PAPSS1: variants seen among roughly 807,000 people sequenced by gnomAD.
PAPSS1 encodes 3'-phosphoadenosine 5'-phosphosulfate synthase 1, also known as bifunctional 3'-phosphoadenosine 5'-phosphosulfate synthase 1.
A neutral mutation model predicts 72.0 loss-of-function variants in PAPSS1; 50 were observed. That is an observed-to-expected ratio of 0.69 (90% CI 0.55 to 0.88). PAPSS1 has a LOEUF of 0.88. PAPSS1 is among the 40% of genes least tolerant of loss of function. The pLI is 0.00. For missense variants in PAPSS1, 657 were observed against 782.2 expected, an observed-to-expected ratio of 0.84 and a Z score of 1.91; for synonymous variants, 261 against 263.6, an observed-to-expected ratio of 0.99 and a Z score of 0.09.
At chr4:107,688,670 T>C (rs906525108) in intron 3 of PAPSS1, among the ~76,000 whole-genome samples, 3 of 152,138 alleles carry the variant, frequency 2.0e-5, no homozygotes, top group Non-Finnish European at 4.4e-5. Flanking sequence ...TTGCCCACAC[T>C]CCCATCACAG....
chr4:107,702,875 T>A (rs550715669), intron 1 of PAPSS1, among the ~76,000 whole-genome samples: 3 of 152,216 alleles, frequency 2.0e-5, no homozygotes, highest in African/African-American at 4.8e-5. Flanking sequence ...ATACACCTAG[T>A]AGTGGGATTG....
intron 1 of PAPSS1, among the ~76,000 whole-genome samples, chr4:107,708,127 TTAA>T (rs1224006186): frequency 6.6e-6 from 1 of 152,242 alleles, no homozygotes; most frequent in Non-Finnish European, 1.5e-5. Context: ...ACAATAATTA[TTAA>T]TACTTTATTT....
chr4:107,635,803 A>G (rs1274909986), intron 10 of PAPSS1, among the ~76,000 whole-genome samples: 1 of 152,240 alleles, frequency 6.6e-6, no homozygotes, highest in East Asian at 1.9e-4. Flanking sequence ...TATGTAATAA[A>G]CATTACTTTA....
chr4:107,658,874 G>A (rs1727090785), intron 6 of PAPSS1, among the ~76,000 whole-genome samples: 1 of 152,212 alleles, frequency 6.6e-6, no homozygotes, highest in African/African-American at 2.4e-5. Flanking sequence ...GGCATGTGAG[G>A]AGGTGCAAAG....
chr4:107,614,184 A>G lies in PAPSS1; in HGVS notation c.*65T>C. 4.0e-6 allele frequency: 6 copies of G among 1,486,108 alleles called. No homozygotes were observed. The highest frequency in any genetic ancestry group is 5.5e-6 in the Non-Finnish European group (6 of 1,084,060). The allele number at this position is 1,486,108 out of a possible 1,614,324, so 92.1% of individuals were successfully genotyped here. On this transcript the variant is annotated 3_prime_UTR_variant, in exon 12 of 12. Transcript: ENST00000265174. The stretch of plus-strand genomic sequence containing the variant: ...ACAGACACCACAAAGAAATGCCAAC[A>G]GAGACTATGTGGTCCCCTCTTGTTA...
chr4:107,650,737 A>G (rs1210378955), intron 9 of PAPSS1, among the ~76,000 whole-genome samples: 1 of 152,210 alleles, frequency 6.6e-6, no homozygotes, highest in African/African-American at 2.4e-5. Context: ...AAATGACTCC[A>G]TGGTTGGATG....
intron 11 of PAPSS1, among the ~76,000 whole-genome samples, chr4:107,620,518 A>C (rs1181714833): frequency 6.6e-6 from 1 of 152,238 alleles, no homozygotes; most frequent in Non-Finnish European, 1.5e-5. Flanking sequence ...TTTTCCTCCC[A>C]GCACTCCAGT....
At chr4:107,694,462 C>G (rs895244046) in intron 2 of PAPSS1, among the ~76,000 whole-genome samples, 1 of 152,144 alleles carries the variant, frequency 6.6e-6, no homozygotes, top group African/African-American at 2.4e-5. Context: ...TATGAGCAAA[C>G]GTATCAGAAA....
intron 5 of PAPSS1, among the ~76,000 whole-genome samples, chr4:107,672,928 G>A (rs572914078): frequency 2.5e-3 from 384 of 152,276 alleles, no homozygotes; most frequent in African/African-American, 8.4e-3. Context: ...TGCAGCCTCC[G>A]CTGCTGATAC....
At chr4:107,621,659 C>G (rs539565573) in intron 11 of PAPSS1, among the ~76,000 whole-genome samples, 156 of 104,282 alleles carry the variant, frequency 1.5e-3, no homozygotes, top group African/African-American at 4.7e-3. Flanking sequence ...CTTGCTCTGT[C>G]ACCCAGGCTG....
chr4:107,684,551 T>C (rs2110338070), intron 4 of PAPSS1, among the ~76,000 whole-genome samples: 1 of 152,324 alleles, frequency 6.6e-6, no homozygotes, highest in East Asian at 1.9e-4. Context: ...ATTTGTCATC[T>C]ATTGTCTCTA....
chr4:107,673,651 A>C (rs539327578), intron 5 of PAPSS1, among the ~76,000 whole-genome samples: 1 of 152,310 alleles, frequency 6.6e-6, no homozygotes, highest in African/African-American at 2.4e-5. Flanking sequence ...GAACTTCCCC[A>C]ATCTAGCAAG....
chr4:107,663,230 G>A (rs564818283), intron 5 of PAPSS1, among the ~76,000 whole-genome samples: 69 of 152,132 alleles, frequency 4.5e-4, no homozygotes, highest in African/African-American at 1.6e-3. Flanking sequence ...AGCAACAGGA[G>A]TCTATAGGTC....
chr4:107,645,051 T>C lies in PAPSS1; in HGVS notation c.1257A>G (p.Gln419=), dbSNP rs755079232. ...DMNADAVFAF[Q]LRNPVHNGHA... ...GTCCATTGTGCACTGGGTTGCGTAG[T>C]TGAAATGCAAAGACAGCATCTGAAA... is the stretch of plus-strand genomic sequence containing the variant. Residue 419 remains glutamine, a synonymous_variant, in exon 10 of 12, where the codon CAA becomes CAG. Coordinates refer to ENST00000265174, the MANE Select transcript of PAPSS1 (RefSeq NM_005443.5). The C allele has an allele frequency of 2.0e-6, 3 of 1,537,282 alleles. No homozygotes were observed. Among genetic ancestry groups the C allele is most frequent in the Admixed American group, 2.0e-5 (1 of 49,326 alleles).
chr4:107,617,248 C>T (rs2110294006), intron 11 of PAPSS1, among the ~76,000 whole-genome samples: 1 of 150,246 alleles, frequency 6.7e-6, no homozygotes, highest in South Asian at 2.1e-4. Flanking sequence ...CAAGCATCTC[C>T]TGTACCTGAC....
intron 1 of PAPSS1, among the ~76,000 whole-genome samples, chr4:107,706,928 A>G (rs916475941): frequency 6.6e-6 from 1 of 152,230 alleles, no homozygotes; most frequent in African/African-American, 2.4e-5. Flanking sequence ...CTAGGTCTAC[A>G]GTGGTTGGTC....
chr4:107,702,704 T>G (rs1723236136), intron 1 of PAPSS1, among the ~76,000 whole-genome samples: 1 of 152,256 alleles, frequency 6.6e-6, no homozygotes, highest in African/African-American at 2.4e-5. Context: ...GACTCAATAG[T>G]ATTCCACTGT....
rs763373160 is a variant in PAPSS1, at chr4:107,693,907, C to T, written c.275G>A (p.Arg92His). ...GCCAAGATTTTTATTGAGACCTTGA[C>T]GAATATTGTCACCATCCAGAGTGTA... is the stretch of plus-strand genomic sequence containing the variant. Reference protein sequence around the residue: ...PCYTLDGDNIRQGLNKNLGFS... With the variant: ...PCYTLDGDNIHQGLNKNLGFS... Residue 92 changes from arginine to histidine, a missense_variant, in exon 3 of 12, where the codon CGT (arginine) becomes CAT (histidine). By Grantham distance (29) the Arg-to-His change is conservative. Around this residue, in one of 7 missense-constraint regions of PAPSS1, gnomAD observed 119 missense variants for 171.1 expected, o/e 0.70. Coordinates refer to ENST00000265174, the MANE Select transcript of PAPSS1 (RefSeq NM_005443.5). 3 of 1,613,746 alleles carry T rather than the reference C, an allele frequency of 1.9e-6. No individual in the cohort carries two copies. The highest frequency in any genetic ancestry group is 1.1e-5 in the South Asian group (1 of 91,068).
intron 11 of PAPSS1, among the ~76,000 whole-genome samples, chr4:107,624,142 T>C (rs890559264): frequency 6.6e-6 from 1 of 152,226 alleles, no homozygotes; most frequent in African/African-American, 2.4e-5. Context: ...TAACCCTCTA[T>C]GATCCTTCTC....
Sources: gnomAD v4.1 joint callset for allele counts (sites outside exome capture counted in the v4.1 genomes callset) on GRCh38, gnomAD v4.1.1 for gene constraint, gnomAD v4.1.1 regional missense constraint, MANE v1.5 for transcripts, NCBI Gene and HGNC (gene_info 2026-07-23, HGNC 2026-07-21) for gene names.